Variants in RPTOR observed in about 807,000 individuals in gnomAD.
The protein encoded by RPTOR is regulatory associated protein of MTOR complex 1.
Under a neutral mutation model 169.9 loss-of-function variants are expected in RPTOR, and 21 were observed. The observed-to-expected ratio is 0.12, with a 90% confidence interval of 0.09 to 0.18. The LOEUF (loss-of-function observed/expected upper bound fraction) is 0.18. Among genes scored for constraint, RPTOR ranks in the 10% least tolerant of loss-of-function variants. The probability of loss-of-function intolerance (pLI) is 1.00; values close to 1 mark genes in which losing one functional copy is unlikely to be tolerated. For missense variants in RPTOR, 1,133 were observed against 1,855.9 expected (o/e 0.61, Z 7.16); for synonymous variants, 732 against 753.2 (o/e 0.97, Z 0.46).
intron 3 of RPTOR, among the ~76,000 whole-genome samples, chr17:80,656,722 C>G (rs2065682410): frequency 6.6e-6 from 1 of 152,216 alleles, no homozygotes; most frequent in African/African-American, 2.4e-5. Context: ...CTGTCCATCT[C>G]ATTTGTTTCT....
rs9319608 is a variant in RPTOR, at chr17:80,674,787, CAAAAAAAAAAAAAAAAAAAAAAAA to C, written c.348+30992_348+31015del. Among the ~76,000 whole-genome samples, 61 of 89,976 alleles carry C rather than the reference CAAAAAAAAAAAAAAAAAAAAAAAA, an allele frequency of 6.8e-4. 1 individual carries two copies. The highest frequency in any genetic ancestry group is 2.4e-3 in the African/African-American group (59 of 24,502). 59.0% of individuals were successfully genotyped at this position (89,976 alleles called of 152,430 possible). On this transcript the variant is annotated intron_variant, in intron 3 of 33. Transcript: ENST00000306801. ...TGGGCAACAGAGCAAGACTCTGTCT[CAAAAAAAAAAAAAAAAAAAAAAAA>C]AAAAAAAAAAAAAACAACTTCTCAA...
chr17:80,846,789 C>G (rs2067736275), intron 11 of RPTOR, among the ~76,000 whole-genome samples: 1 of 152,262 alleles, frequency 6.6e-6, no homozygotes, highest in South Asian at 2.1e-4. Context: ...ATCGCACATT[C>G]ATTCCTAAAG....
At chr17:80,894,370 G>A (rs779789931) in intron 20 of RPTOR, among the ~76,000 whole-genome samples, 50 of 152,156 alleles carry the variant, frequency 3.3e-4, no homozygotes, top group Non-Finnish European at 6.8e-4. Flanking sequence ...CCCTGCGGTC[G>A]GGCTGGGGGC....
At chr17:80,949,420 TC>T in intron 27 of RPTOR, 22 bp from the exon 28 acceptor site, 1 of 1,598,154 alleles carries the variant, frequency 6.3e-7, no homozygotes, top group East Asian at 2.2e-5. Context: ...CTGGTTCACA[TC>T]CTTTCCTCTC....
intron 6 of RPTOR, among the ~76,000 whole-genome samples, chr17:80,764,177 T>C (rs1166638416): frequency 1.3e-5 from 2 of 149,566 alleles, no homozygotes; most frequent in Non-Finnish European, 3.0e-5. Flanking sequence ...TTTATTTTAT[T>C]ATTATACTTT....
Position 80,962,986 on chromosome 17 carries a change from A to G in RPTOR, c.3868A>G (p.Ile1290Val). ...YNSSGELINN[I>V]KYYDGFMGQR... ...CAGCAGCGGAGAGCTCATCAACAACATCAAGTACTACGACGGCTTCATGGG... is the reference window on the plus strand; with the variant it reads ...CAGCAGCGGAGAGCTCATCAACAACGTCAAGTACTACGACGGCTTCATGGG... The change falls in exon 33 of 34, where the codon ATC becomes GTC. Residue 1290 changes from isoleucine to valine, a missense_variant. By Grantham distance (29) the Ile-to-Val change is conservative. This residue lies in a region of RPTOR where 410 missense variants were observed against 623.7 expected (regional missense o/e 0.66). Transcript: ENST00000306801. The G allele has an allele frequency of 6.2e-7, 1 of 1,613,244 alleles. No individual in the cohort carries two copies. The highest frequency in any genetic ancestry group is 1.3e-5 in the African/African-American group (1 of 74,936).
intron 6 of RPTOR, among the ~76,000 whole-genome samples, chr17:80,777,351 T>A (rs117983649): frequency 0.01 from 1,564 of 152,160 alleles, 21 homozygotes; most frequent in Non-Finnish European, 0.014. Flanking sequence ...ATTTCGAAAT[T>A]TACGGATAAT....
intron 6 of RPTOR, among the ~76,000 whole-genome samples, chr17:80,788,747 GAAC>G (rs2067018500): frequency 6.6e-6 from 1 of 152,166 alleles, no homozygotes. Flanking sequence ...ATAAAAGACA[GAAC>G]AATGGTCGCC....
intron 25 of RPTOR, 42 bp downstream of exon 25, chr17:80,940,643 G>C (rs1156269929): frequency 6.6e-7 from 1 of 1,523,904 alleles, no homozygotes; most frequent in Non-Finnish European, 8.9e-7. Flanking sequence ...CATTCCGGGG[G>C]TGGGGCCTGG....
intron 1 of RPTOR, among the ~76,000 whole-genome samples, chr17:80,591,128 T>TTGCC (rs2065101502): frequency 7.1e-6 from 1 of 141,274 alleles, no homozygotes; most frequent in African/African-American, 2.6e-5. Flanking sequence ...TACCGTGGTT[T>TTGCC]TGCCTGCCTG....
chr17:80,668,093 A>G (rs1030999729), intron 3 of RPTOR, among the ~76,000 whole-genome samples: 2 of 149,998 alleles, frequency 1.3e-5, no homozygotes, highest in African/African-American at 4.8e-5. Flanking sequence ...TCTTCAGTGC[A>G]GGTTTCAGAT....
At chr17:80,889,438 C>T (rs763796774) in intron 17 of RPTOR, among the ~76,000 whole-genome samples, 7 of 152,202 alleles carry the variant, frequency 4.6e-5, no homozygotes, top group Non-Finnish European at 1.0e-4. Context: ...TGACAAGCGA[C>T]CGGTCAGAGG....
chr17:80,901,891 C>T (rs9889545), intron 20 of RPTOR, among the ~76,000 whole-genome samples: 2 of 152,286 alleles, frequency 1.3e-5, no homozygotes, highest in East Asian at 1.9e-4. Flanking sequence ...CTTTCTTCCC[C>T]GTGGCAATGA....
intron 1 of RPTOR, among the ~76,000 whole-genome samples, chr17:80,566,869 G>A (rs1422882154): frequency 7.0e-6 from 1 of 143,476 alleles, no homozygotes; most frequent in African/African-American, 2.6e-5. Flanking sequence ...ATATTTTCCT[G>A]TACTTAATTT....
At position 80,730,771 on chromosome 17, in the gene RPTOR, T is replaced by TGTTTTTTTTTGCCGGGGGGGG; in HGVS notation, c.654+66_654+67insTTTTTTTTTGCCGGGGGGGGG. ...TTTTGTTTTCCCTGGGGGTGGGGTTTGGGTGGGGAGGTTGGGAGGTGTTGG... is the reference window on the plus strand; with the variant it reads ...TTTTGTTTTCCCTGGGGGTGGGGTTTGTTTTTTTTTGCCGGGGGGGGGGGTGGGGAGGTTGGGAGGTGTTGG... On this transcript the variant is annotated intron_variant, in intron 5 of 33. Transcript: ENST00000306801. The surrounding 1 kb of genome is among the most constrained non-coding windows in gnomAD (Gnocchi z 4.2). The TGTTTTTTTTTGCCGGGGGGGG allele has an allele frequency of 2.1e-6, 1 of 479,858 alleles. No homozygotes were observed. 29.7% of individuals were successfully genotyped at this position (479,858 alleles called of 1,614,324 possible).
At chr17:80,895,568 A>G (rs2143885825) in intron 20 of RPTOR, among the ~76,000 whole-genome samples, 1 of 152,350 alleles carries the variant, frequency 6.6e-6, no homozygotes, top group East Asian at 1.9e-4. Context: ...CTCAATACAC[A>G]TAAACGGGCA....
intron 1 of RPTOR, among the ~76,000 whole-genome samples, chr17:80,621,985 TG>T (rs1214761004): frequency 6.6e-6 from 1 of 152,240 alleles, no homozygotes; most frequent in East Asian, 1.9e-4. Context: ...GGCCCGTTAA[TG>T]CTGTTTCTTC....
chr17:80,703,810 C>A (rs1021320399), intron 3 of RPTOR, among the ~76,000 whole-genome samples: 2 of 152,154 alleles, frequency 1.3e-5, no homozygotes, highest in Middle Eastern at 3.2e-3. Context: ...AGCCAGGACA[C>A]TTTTTAAAAA....
intron 5 of RPTOR, among the ~76,000 whole-genome samples, chr17:80,753,178 GCT>G (rs2066645952): frequency 6.6e-6 from 1 of 152,138 alleles, no homozygotes; most frequent in Non-Finnish European, 1.5e-5. Context: ...ATGAGTGCTC[GCT>G]CTGTCTGTTT....
Sources: gnomAD v4.1 joint callset for allele counts (sites outside exome capture counted in the v4.1 genomes callset) on GRCh38, gnomAD v4.1.1 for gene constraint, gnomAD v4.1.1 regional missense constraint, Gnocchi (gnomAD v3.1) non-coding constraint, MANE v1.5 for transcripts, NCBI Gene and HGNC (gene_info 2026-07-23, HGNC 2026-07-21) for gene names.